The following UNKL variants were observed in gnomAD, a reference collection of about 807,000 sequenced individuals.
The protein encoded by UNKL is putative E3 ubiquitin-protein ligase UNKL.
Under a neutral mutation model 78.0 loss-of-function variants are expected in UNKL, and 60 were observed. That is an observed-to-expected ratio of 0.77 (90% CI 0.63 to 0.95). The LOEUF is 0.95. Among genes scored for constraint, UNKL ranks in the 40% least tolerant of loss-of-function variants. The pLI is 0.00. For missense variants in UNKL, 1,159 were observed against 1,045.7 expected, an observed-to-expected ratio of 1.11 and a Z score of -1.49; for synonymous variants, 608 against 474.8, an observed-to-expected ratio of 1.28 and a Z score of -3.65.
At chr16:1,391,780 C>T (rs1333675410) in intron 8 of UNKL, among the ~76,000 whole-genome samples, 1 of 152,170 alleles carries the variant, frequency 6.6e-6, no homozygotes, top group Non-Finnish European at 1.5e-5. Context: ...CTCCACCTCC[C>T]GGGTTCAAGC....
rs539354203 is a variant in UNKL at position 1,363,347 on chromosome 16, T to TA, written c.*2892dup. 1,693 of 485,782 alleles carry TA rather than the reference T, an allele frequency of 3.5e-3. 12 individuals carry two copies. The highest frequency in any genetic ancestry group is 7.4e-3 in the South Asian group (356 of 47,958). The allele number at this position is 485,782 out of a possible 1,614,324, so 30.1% of individuals were successfully genotyped here. A position where few individuals can be genotyped will look rare whatever the true frequency, so the allele number is the denominator to read the frequency against. ...TTCGCTACAAGTAAATGATTATAAA[T>TA]ACTACCTTCTGGGTTAAGAAAATTC... On this transcript the variant is annotated 3_prime_UTR_variant, in exon 15 of 15. Transcript: ENST00000389221.
At position 1,370,266 on chromosome 16, in the gene UNKL, G is replaced by A; in HGVS notation, c.1449C>T (p.Thr483=). ...PSLHSPSSAS[T]SPLGSLSQPL... Reference sequence around the variant, plus strand: ...GCTGGGACAGCGAACCGAGCGGCGAGGTGGACGCAGAGGATGGCGAGTGTA... The same window carrying A: ...GCTGGGACAGCGAACCGAGCGGCGAAGTGGACGCAGAGGATGGCGAGTGTA... The change falls in exon 12 of 15, where the codon ACC becomes ACT. Residue 483 remains threonine, a synonymous_variant. Transcript: ENST00000389221. The A allele has an allele frequency of 6.5e-7, 1 of 1,534,388 alleles. No individual in the cohort carries two copies. The highest frequency in any genetic ancestry group is 2.0e-5 in the Admixed American group (1 of 50,822).
In UNKL at chr16:1,370,182, C is replaced by T. The variant is rs1474597890; in HGVS notation, c.1533G>A (p.Leu511=). The T allele has an allele frequency of 5.3e-6, 8 of 1,518,070 alleles. No homozygotes were observed. The highest frequency in any genetic ancestry group is 4.1e-5 in the Admixed American group (2 of 48,512). The allele number at this position is 1,518,070 out of a possible 1,614,324, so 94.0% of individuals were successfully genotyped here. Residue 511 remains leucine (L), a synonymous_variant, in exon 12 of 15, where the codon CTG becomes CTA. Transcript: ENST00000389221. ...AMTPPQQPPP[L]RSEPGTLGSA... is the part of the protein sequence containing the mutation. Reference sequence around the variant, plus strand: ...AGCCCAGTGTGCCCGGCTCTGAACGCAGGGGTGGCGGCTGCTGGGGAGGCG... The same window carrying T: ...AGCCCAGTGTGCCCGGCTCTGAACGTAGGGGTGGCGGCTGCTGGGGAGGCG...
At chr16:1,367,069 A>C in intron 14 of UNKL, 23 bp downstream of exon 14, 1 of 1,505,488 alleles carries the variant, frequency 6.6e-7, no homozygotes, top group Non-Finnish European at 8.9e-7. Context: ...CTGGCCCCTC[A>C]CCCTGCCCAG....
chr16:1,413,831 C>T lies in UNKL; in HGVS notation c.287+15G>A. The T allele has an allele frequency of 1.3e-6, 2 of 1,511,840 alleles. No homozygotes were observed. Among genetic ancestry groups the T allele is most frequent in the Non-Finnish European group, 1.8e-6 (2 of 1,123,602 alleles). The allele number at this position is 1,511,840 out of a possible 1,614,324, so 93.7% of individuals were successfully genotyped here. ...ACCTCCGCCCAGGCAGCGGCGCCCC[C>T]TCGCGGCCGCTTACTCGTCGCCGTC... is the stretch of plus-strand genomic sequence containing the variant. On this transcript the variant is annotated intron_variant, in intron 2 of 14. Transcript: ENST00000389221.
intron 4 of UNKL, among the ~76,000 whole-genome samples, chr16:1,400,999 T>C (rs969946498): frequency 2.6e-5 from 4 of 152,188 alleles, no homozygotes; most frequent in African/African-American, 4.8e-5. Context: ...TTACCACGTT[T>C]TTTTTCAAAT....
rs996532032 is a variant in UNKL, at chr16:1,367,321, T to C, written c.1817A>G (p.Gln606Arg). ...QVCDAWQREA[Q>R]EAKERARVAD... Reference sequence around the variant, plus strand: ...CACACGGGCACGCTCCTTGGCCTCCTGCGCCTCTCGCTGCCAGGCATCGCA... The same window carrying C: ...CACACGGGCACGCTCCTTGGCCTCCCGCGCCTCTCGCTGCCAGGCATCGCA... Residue 606 changes from glutamine to arginine, a missense_variant, in exon 14 of 15, where the codon CAG becomes CGG. By Grantham distance (43) the Gln-to-Arg change is conservative. Transcript: ENST00000389221. 10 of 1,548,610 alleles carry C rather than the reference T, an allele frequency of 6.5e-6. No individual in the cohort carries two copies. Among genetic ancestry groups the C allele is most frequent in the Non-Finnish European group, 8.7e-6 (10 of 1,151,416 alleles).
chr16:1,383,592 T>A, intron 10 of UNKL: 1 of 369,118 alleles, frequency 2.7e-6, no homozygotes, highest in Admixed American at 3.1e-5. Context: ...GGGAAGAGTC[T>A]CTCTCTCCTC....
chr16:1,390,256 G>C (rs774471598), intron 9 of UNKL, among the ~76,000 whole-genome samples: 6 of 152,082 alleles, frequency 3.9e-5, no homozygotes, highest in Admixed American at 1.3e-4. Context: ...AAAGTGCTGA[G>C]ATTACAGGTG....
chr16:1,379,778 TCCCCCAACCTTC>T (rs2036525117), intron 10 of UNKL: 2 of 802,180 alleles, frequency 2.5e-6, no homozygotes, highest in Middle Eastern at 6.0e-4. Context: ...CGCGCTGCCC[TCCCCCAACCTTC>T]CCCCCGACTC....
chr16:1,393,124 G>C (rs1241366312), intron 7 of UNKL, 148 bp from the exon 8 acceptor site: 4 of 790,916 alleles, frequency 5.1e-6, no homozygotes, highest in Non-Finnish European at 2.1e-6. Context: ...GCTGGGCAGT[G>C]GTGGGGACAC....
intron 2 of UNKL, chr16:1,411,914 T>A (rs1045081274): frequency 8.5e-5 from 13 of 152,350 alleles, no homozygotes; most frequent in Non-Finnish European, 1.9e-4. Flanking sequence ...AAATTTTTTT[T>A]AATTTATCGC....
At chr16:1,389,597 AAC>A (rs1391484062) in intron 9 of UNKL, among the ~76,000 whole-genome samples, 1 of 152,154 alleles carries the variant, frequency 6.6e-6, no homozygotes, top group Non-Finnish European at 1.5e-5. Flanking sequence ...AATCTGTAAA[AAC>A]ACAACAGCAA....
At chr16:1,392,168 T>C (rs1019592077) in intron 8 of UNKL, among the ~76,000 whole-genome samples, 1 of 152,180 alleles carries the variant, frequency 6.6e-6, no homozygotes, top group African/African-American at 2.4e-5. Context: ...AGTCAGAGTG[T>C]GCCACCCCAA....
rs561204582 is a variant in UNKL at position 1,411,695 on chromosome 16, C to A, written c.287+2151G>T. ...CAAAAATTAGCTGGGCGTGGTGGCA[C>A]GCGCCTGTAATCCCAGCTACTCGGG... is the stretch of plus-strand genomic sequence containing the variant. On this transcript the variant is annotated intron_variant, in intron 2 of 14. Transcript: ENST00000389221. Among the ~76,000 whole-genome samples the A allele has an allele frequency of 8.2e-4, 124 of 152,030 alleles. 1 individual carries two copies. Among genetic ancestry groups the A allele is most frequent in the Non-Finnish European group, 1.3e-3 (86 of 67,954 alleles).
chr16:1,367,659 C>T lies in UNKL; in HGVS notation c.1785G>A (p.Lys595=). The T allele has an allele frequency of 6.4e-7, 1 of 1,564,594 alleles. No homozygotes were observed. The highest frequency in any genetic ancestry group is 8.6e-7 in the Non-Finnish European group (1 of 1,156,122). The stretch of plus-strand genomic sequence containing the variant: ...TCTGGCCCCCCCACACACTCACCTG[C>T]TTCACCTGCTGCCAGGACTCCTCCC... The part of the protein sequence containing the change: ...RQWEESWQQV[K]QVCDAWQREA... The change falls in exon 13 of 15, where the codon AAG becomes AAA. Residue 595 remains lysine, a synonymous_variant. Coordinates refer to ENST00000389221, the MANE Select transcript of UNKL (RefSeq NM_001372107.1).
Position 1,367,854 on chromosome 16 carries a change from C to T in UNKL, c.1590G>A (p.Leu530=), listed in dbSNP as rs781394700. The T allele has an allele frequency of 1.7e-5, 26 of 1,564,412 alleles. No homozygotes were observed. The highest frequency in any genetic ancestry group is 2.1e-5 in the Non-Finnish European group (24 of 1,155,504). Residue 530 remains leucine (L), a synonymous_variant, in exon 13 of 15, where the codon TTG becomes TTA. Transcript: ENST00000389221. The part of the protein sequence containing the change: ...SAASSYSPLG[L]NGVPGSIWDF... ...CCCAGATGCTCCCGGGGACACCGTTCAAACCTGAGTGTGAAACGGTCGATG... is the reference window on the plus strand; with the variant it reads ...CCCAGATGCTCCCGGGGACACCGTTTAAACCTGAGTGTGAAACGGTCGATG...
At position 1,379,740 on chromosome 16, in the gene UNKL, CCGCCCCCGTCGCACTGGCCA is replaced by C. The variant is rs1288474247; in HGVS notation, c.1264+5448_1264+5467del. On this transcript the variant is annotated intron_variant, in intron 10 of 14. Transcript: ENST00000389221. ...CCCCGCCCCGCAACGTGACTCGGCCCCGCCCCCGTCGCACTGGCCACGCCCCCCGCGCTGCCCTCCCCCAA... is the reference window on the plus strand; with the variant it reads ...CCCCGCCCCGCAACGTGACTCGGCCCCGCCCCCCGCGCTGCCCTCCCCCAA... 3.1e-6 allele frequency: 3 copies of C among 952,854 alleles called. No homozygotes were observed. In the African/African-American group the frequency reaches 5.6e-5, roughly 18 times the overall value. The allele number at this position is 952,854 out of a possible 1,614,324, so 59.0% of individuals were successfully genotyped here. A position where few individuals can be genotyped will look rare whatever the true frequency, so the allele number is the denominator to read the frequency against.
Position 1,366,337 on chromosome 16 carries a change from G to A in UNKL, c.2105C>T (p.Ala702Val), listed in dbSNP as rs752452327. Residue 702 changes from alanine (A) to valine (V), a missense_variant, in exon 15 of 15, where the codon GCT becomes GTT. Transcript: ENST00000389221. ...CVACRERAHG[A>V]VLRPCQHHIL... ...GTGGTGCTGACAGGGCCGCAGGACA[G>A]CACCGTGGGCCCGCTCCCGGCAGGC... The A allele has an allele frequency of 2.5e-6, 4 of 1,604,042 alleles. No individual in the cohort carries two copies. The highest frequency in any genetic ancestry group is 1.7e-5 in the Admixed American group (1 of 59,186).
Sources: allele counts gnomAD v4.1 joint callset (sites outside exome capture counted in the v4.1 genomes callset), GRCh38; gene constraint gnomAD v4.1.1; transcripts MANE v1.5; gene names NCBI Gene and HGNC (gene_info 2026-07-23, HGNC 2026-07-21).